Variants in MYRFL observed in about 807,000 individuals in gnomAD.
The protein encoded by MYRFL is myelin regulatory factor like.
In MYRFL, 88 loss-of-function variants were observed where a neutral mutation model predicts 109.4. The observed-to-expected ratio is 0.80, with a 90% confidence interval of 0.68 to 0.96. MYRFL has a LOEUF of 0.96. MYRFL is among the 40% of genes least tolerant of loss of function. The probability of loss-of-function intolerance (pLI) is 0.00; values close to 1 mark genes in which losing one functional copy is unlikely to be tolerated. For synonymous variants in MYRFL, 324 were observed against 320.9 expected (o/e 1.01, Z -0.10); for missense variants, 957 against 954.9 (o/e 1.00, Z -0.03).
At chr12:69,880,168 A>G in intron 4 of MYRFL, 33 bp from the exon 5 acceptor site, 1 of 701,426 alleles carries the variant, frequency 1.4e-6, no homozygotes, top group Non-Finnish European at 2.6e-6. Context: ...ACAAGGAAGA[A>G]TCCTAACCTT....
At chr12:69,949,471 C>T (rs558020743) in intron 19 of MYRFL, among the ~76,000 whole-genome samples, 146 of 152,350 alleles carry the variant, frequency 9.6e-4, no homozygotes, top group African/African-American at 3.5e-3. Flanking sequence ...CAAGCCTGCT[C>T]TGGCCCCACA....
At chr12:69,940,974 G>A (rs1086229) in intron 19 of MYRFL, among the ~76,000 whole-genome samples, 5,597 of 42,486 alleles carry the variant, frequency 0.13, 451 homozygotes, top group Non-Finnish European at 0.2. Context: ...AATTCAACAA[G>A]AAGAGCTAAC....
At chr12:69,849,622 T>C (rs893266085) in intron 1 of MYRFL, among the ~76,000 whole-genome samples, 28 of 152,234 alleles carry the variant, frequency 1.8e-4, no homozygotes, top group African/African-American at 6.8e-4. Flanking sequence ...GAACCTTGCT[T>C]GTTTATGCAG....
At chr12:69,946,663 G>A (rs1955846795) in intron 19 of MYRFL, 1 of 152,192 alleles carries the variant, frequency 6.6e-6, no homozygotes, top group East Asian at 1.9e-4. Flanking sequence ...CAACACCACA[G>A]ACCCCTTTAT....
chr12:69,937,747 C>G (rs948812555), intron 19 of MYRFL, among the ~76,000 whole-genome samples: 1 of 152,170 alleles, frequency 6.6e-6, no homozygotes, highest in South Asian at 2.1e-4. Context: ...TGCTCATGAC[C>G]TACATAGAAT....
intron 15 of MYRFL, among the ~76,000 whole-genome samples, chr12:69,928,428 C>A (rs1955166878): frequency 6.6e-6 from 1 of 152,166 alleles, no homozygotes; most frequent in Non-Finnish European, 1.5e-5. Context: ...CCAAAGGTGG[C>A]CCTTCCCTGG....
intron 13 of MYRFL, among the ~76,000 whole-genome samples, chr12:69,914,685 T>A (rs930746438): frequency 6.6e-6 from 1 of 152,118 alleles, no homozygotes; most frequent in Admixed American, 6.6e-5. Context: ...CAACCTAAGC[T>A]CATTCCTAGG....
rs1010962598 is a variant in MYRFL at position 69,903,672 on chromosome 12, A to G, written c.1211A>G (p.Asp404Gly). Residue 404 changes from aspartate (D) to glycine (G), a missense_variant, in exon 11 of 25, where the codon GAC (aspartate) becomes GGC (glycine). Asp to Gly is a moderately conservative substitution (Grantham distance 94). Coordinates refer to ENST00000552032, the MANE Select transcript of MYRFL (RefSeq NM_182530.3). ...TCTAACCCTGGGCAGTTTGAAAATG[A>G]CAGTGATGCATTGTGGCAGCGAGGA... ...RASNPGQFEN[D>G]SDALWQRGQV... 8 of 1,535,762 alleles carry G rather than the reference A, an allele frequency of 5.2e-6. No homozygotes were observed. The African/African-American group carries it at 1.1e-4, about 21-fold the overall frequency.
intron 15 of MYRFL, among the ~76,000 whole-genome samples, chr12:69,928,024 T>G (rs1200075701): frequency 6.6e-6 from 1 of 152,192 alleles, no homozygotes; most frequent in Non-Finnish European, 1.5e-5. Flanking sequence ...GTCAGCAGCC[T>G]CGTCATACAG....
At chr12:69,905,983 A>G (rs1954345277) in intron 11 of MYRFL, among the ~76,000 whole-genome samples, 1 of 152,208 alleles carries the variant, frequency 6.6e-6, no homozygotes, top group Non-Finnish European at 1.5e-5. Context: ...CCCTTGGTCA[A>G]TTTGATGGCA....
intron 15 of MYRFL, among the ~76,000 whole-genome samples, chr12:69,930,727 G>T (rs943786830): frequency 1.3e-5 from 2 of 150,974 alleles, no homozygotes; most frequent in African/African-American, 2.4e-5. Flanking sequence ...TGGGAGGATC[G>T]CTTGAGCCCA....
At chr12:69,917,843 A>G (rs1954793172) in intron 13 of MYRFL, among the ~76,000 whole-genome samples, 1 of 151,324 alleles carries the variant, frequency 6.6e-6, no homozygotes, top group African/African-American at 2.4e-5. Context: ...AGGAGAAGTG[A>G]TTTTCTGAGG....
chr12:69,937,606 CA>C, intron 19 of MYRFL, among the ~76,000 whole-genome samples: 1 of 152,318 alleles, frequency 6.6e-6, no homozygotes, highest in African/African-American at 2.4e-5. Context: ...ATGTATAACA[CA>C]TATCACCTCT....
intron 17 of MYRFL, 24 bp downstream of exon 17, chr12:69,936,211 G>C: frequency 6.6e-7 from 1 of 1,521,598 alleles, no homozygotes; most frequent in South Asian, 1.2e-5. Context: ...TCAATTTTCT[G>C]GCCTAAAATT....
chr12:69,952,288 G>A, intron 20 of MYRFL, 113 bp downstream of exon 20: 1 of 891,342 alleles, frequency 1.1e-6, no homozygotes, highest in Non-Finnish European at 1.8e-6. Context: ...CAGCCTGCCT[G>A]CCACGCATAT....
chr12:69,905,835 A>G (rs1483387297), intron 11 of MYRFL, among the ~76,000 whole-genome samples: 2 of 152,206 alleles, frequency 1.3e-5, no homozygotes, highest in African/African-American at 4.8e-5. Context: ...TCCACTGTTT[A>G]TTACAGAGAT....
At chr12:69,952,446 T>A (rs1956002375) in intron 20 of MYRFL, among the ~76,000 whole-genome samples, 3 of 152,202 alleles carry the variant, frequency 2.0e-5, no homozygotes, top group Admixed American at 1.3e-4. Flanking sequence ...CTGACTACAT[T>A]TTTAGTTTGT....
At chr12:69,957,107 T>G (rs1956115347) in intron 22 of MYRFL, among the ~76,000 whole-genome samples, 1 of 152,248 alleles carries the variant, frequency 6.6e-6, no homozygotes, top group African/African-American at 2.4e-5. Flanking sequence ...CAAAGACAAA[T>G]AGATCTCATC....
Position 69,897,146 on chromosome 12 carries a change from T to A in MYRFL, c.1092-10T>A. The A allele has an allele frequency of 7.2e-6, 11 of 1,531,186 alleles. No homozygotes were observed. The highest frequency in any genetic ancestry group is 9.6e-6 in the Non-Finnish European group (11 of 1,142,446). The allele number at this position is 1,531,186 out of a possible 1,614,324, so 94.8% of individuals were successfully genotyped here. A position where few individuals can be genotyped will look rare whatever the true frequency, so the allele number is the denominator to read the frequency against. ...GATGCATTGGCATTGGTCTGCTGTC[T>A]CTGAATTAGATACTTCATGTTGGTG... On this transcript the variant is annotated splice_polypyrimidine_tract_variant and intron_variant, in intron 9 of 24. Transcript: ENST00000552032.
Sources: gnomAD v4.1 joint callset for allele counts (sites outside exome capture counted in the v4.1 genomes callset) on GRCh38, gnomAD v4.1.1 for gene constraint, MANE v1.5 for transcripts, NCBI Gene and HGNC (gene_info 2026-07-23, HGNC 2026-07-21) for gene names.